CNBD1: variants seen among roughly 807,000 people sequenced by gnomAD.
CNBD1 encodes the protein cyclic nucleotide binding domain containing 1, also known as cyclic nucleotide-binding domain-containing protein 1.
Under a neutral mutation model 54.4 loss-of-function variants are expected in CNBD1, and 71 were observed. The observed-to-expected ratio is 1.30, with a 90% CI of 1.08 to 1.59. CNBD1 has a LOEUF of 1.59. CNBD1 is among the 40% of genes most tolerant of loss of function. The pLI is 0.00. For synonymous variants in CNBD1, 182 were observed against 170.7 expected, an observed-to-expected ratio of 1.07 and a Z score of -0.51; for missense variants, 659 against 518.0, an observed-to-expected ratio of 1.27 and a Z score of -2.64.
chr8:87,155,290 C>G, intron 4 of CNBD1, among the ~76,000 whole-genome samples: 1 of 152,016 alleles, frequency 6.6e-6, no homozygotes, highest in East Asian at 1.9e-4. Context: ...TTGTCTTTAT[C>G]CTGTAGATAA....
At chr8:87,245,487 A>G (rs1419986997) in intron 6 of CNBD1, among the ~76,000 whole-genome samples, 8 of 150,340 alleles carry the variant, frequency 5.3e-5, no homozygotes, top group Non-Finnish European at 1.2e-4. Flanking sequence ...CATTTTTTTA[A>G]TATAACTGTT....
At chr8:87,140,686 A>G (rs1236724535) in intron 4 of CNBD1, among the ~76,000 whole-genome samples, 3 of 152,194 alleles carry the variant, frequency 2.0e-5, no homozygotes, top group Non-Finnish European at 1.5e-5. Context: ...TTTTTAAATT[A>G]CAGTACTATA....
intron 2 of CNBD1, among the ~76,000 whole-genome samples, chr8:87,413,858 A>G (rs1807791397): frequency 6.6e-6 from 1 of 151,116 alleles, no homozygotes; most frequent in Non-Finnish European, 1.5e-5. Context: ...CAATCATTAA[A>G]AAGTCAGGAA....
At chr8:87,388,407 G>A (rs1811236950) in intron 2 of CNBD1, among the ~76,000 whole-genome samples, 1 of 151,858 alleles carries the variant, frequency 6.6e-6, no homozygotes, top group South Asian at 2.1e-4. Context: ...AATAAAAAAT[G>A]ATAAAGGGGA....
chr8:86,891,597 G>A (rs1029219354), intron 2 of CNBD1, among the ~76,000 whole-genome samples: 1 of 151,962 alleles, frequency 6.6e-6, no homozygotes. Flanking sequence ...GCAAATTTCA[G>A]AATTGTTTTT....
chr8:86,947,133 A>C (rs1467369660), intron 4 of CNBD1, among the ~76,000 whole-genome samples: 2 of 152,112 alleles, frequency 1.3e-5, no homozygotes, highest in African/African-American at 4.8e-5. Flanking sequence ...ATCTGCAGAG[A>C]AGTAATAAAC....
intron 2 of CNBD1, among the ~76,000 whole-genome samples, chr8:87,409,966 T>A (rs1807712409): frequency 6.6e-6 from 1 of 151,656 alleles, no homozygotes. Flanking sequence ...GAGGTTGTAG[T>A]GAGCCGAGAT....
chr8:87,369,376 A>G (rs1246519518), intron 10 of CNBD1, among the ~76,000 whole-genome samples: 1 of 151,938 alleles, frequency 6.6e-6, no homozygotes, highest in Non-Finnish European at 1.5e-5. Context: ...ATTGTGTTTT[A>G]TACTTACCTA....
intron 4 of CNBD1, among the ~76,000 whole-genome samples, chr8:87,134,325 T>C (rs1218097867): frequency 6.6e-6 from 1 of 152,120 alleles, no homozygotes; most frequent in African/African-American, 2.4e-5. Flanking sequence ...TCAGTACAGA[T>C]TGATGTTTTA....
intron 4 of CNBD1, among the ~76,000 whole-genome samples, chr8:87,120,438 ATTGT>A (rs1192054236): frequency 6.6e-6 from 1 of 151,666 alleles, no homozygotes; most frequent in Non-Finnish European, 1.5e-5. Context: ...CCTTTCTGAT[ATTGT>A]TTATTTGCAT....
At chr8:87,383,541 C>G (rs1811130294), downstream of CNBD1, among the ~76,000 whole-genome samples, 1 of 152,024 alleles carries the variant, frequency 6.6e-6, no homozygotes, top group Non-Finnish European at 1.5e-5. Flanking sequence ...GCCTTCCAGT[C>G]ATTTCCACTG....
intron 4 of CNBD1, among the ~76,000 whole-genome samples, chr8:87,008,475 C>T (rs1292378158): frequency 1.3e-5 from 2 of 152,168 alleles, no homozygotes; most frequent in East Asian, 3.9e-4. Flanking sequence ...GAAGTCCTTT[C>T]TGCAGAATTT....
At chr8:87,269,846 G>C (rs1808328960) in intron 6 of CNBD1, among the ~76,000 whole-genome samples, 1 of 152,120 alleles carries the variant, frequency 6.6e-6, no homozygotes, top group South Asian at 2.1e-4. Flanking sequence ...ATAAAGTAGA[G>C]CTAGTACCAT....
At chr8:86,960,483 G>A (rs542118141) in intron 4 of CNBD1, among the ~76,000 whole-genome samples, 22 of 152,238 alleles carry the variant, frequency 1.4e-4, no homozygotes, top group South Asian at 2.1e-4. Flanking sequence ...CAAAGTGGCC[G>A]GGAAGCTTGA....
chr8:87,402,258 C>T (rs1038810003), intron 2 of CNBD1, among the ~76,000 whole-genome samples: 3 of 151,948 alleles, frequency 2.0e-5, no homozygotes, highest in Admixed American at 2.0e-4. Flanking sequence ...CCTCCCAAAA[C>T]ATGTGGAGAT....
At chr8:87,009,637 C>G (rs1809174226) in intron 4 of CNBD1, among the ~76,000 whole-genome samples, 1 of 152,074 alleles carries the variant, frequency 6.6e-6, no homozygotes, top group Non-Finnish European at 1.5e-5. Flanking sequence ...TATACAGTTA[C>G]TATTCATTTA....
intron 10 of CNBD1, among the ~76,000 whole-genome samples, chr8:87,372,124 A>G (rs1331799917): frequency 6.6e-6 from 1 of 152,086 alleles, no homozygotes; most frequent in African/African-American, 2.4e-5. Context: ...TAAGCTGATA[A>G]GCAACTTCAG....
chr8:87,241,709 T>C (rs1411326112), intron 6 of CNBD1, among the ~76,000 whole-genome samples: 1 of 152,142 alleles, frequency 6.6e-6, no homozygotes, highest in East Asian at 1.9e-4. Flanking sequence ...GTGATTAAAT[T>C]CTTAGTTTGT....
At chr8:87,409,526 T>A (rs1164106156) in intron 2 of CNBD1, among the ~76,000 whole-genome samples, 1 of 152,110 alleles carries the variant, frequency 6.6e-6, no homozygotes, top group East Asian at 1.9e-4. Flanking sequence ...ATAGCTACAG[T>A]AAACAATAGA....
Sources: gnomAD v4.1 joint callset for allele counts (sites outside exome capture counted in the v4.1 genomes callset) on GRCh38, gnomAD v4.1.1 for gene constraint, MANE v1.5 for transcripts, NCBI Gene and HGNC (gene_info 2026-07-23, HGNC 2026-07-21) for gene names.